Variants in TPD52 observed in about 807,000 individuals in gnomAD.
TPD52 encodes the protein tumor protein D52.
Under a neutral mutation model 31.3 loss-of-function variants are expected in TPD52, and 17 were observed. The ratio of observed to expected loss-of-function variants is 0.54; its 90% confidence interval spans 0.37 to 0.82. The LOEUF (loss-of-function observed/expected upper bound fraction) is 0.82. Ranked by LOEUF, TPD52 falls within the 40% of genes least tolerant of loss-of-function variation. TPD52 has a pLI of 0.00. For synonymous variants in TPD52, 83 were observed against 89.6 expected, an observed-to-expected ratio of 0.93 and a Z score of 0.42; for missense variants, 212 against 240.1, an observed-to-expected ratio of 0.88 and a Z score of 0.77.
At chr8:80,053,951 T>C (rs866368587) in intron 2 of TPD52, among the ~76,000 whole-genome samples, 12 of 152,196 alleles carry the variant, frequency 7.9e-5, no homozygotes, top group South Asian at 6.2e-4. Context: ...TGGATACATA[T>C]ACTCAGTCCC....
chr8:80,086,773 C>T (rs1324044389), intron 1 of TPD52, among the ~76,000 whole-genome samples: 1 of 142,726 alleles, frequency 7.0e-6, no homozygotes, highest in South Asian at 2.2e-4. Flanking sequence ...ACTCAGAAGA[C>T]TGAGGCACAA....
At chr8:80,149,704 G>T (rs1033250556) in intron 1 of TPD52, among the ~76,000 whole-genome samples, 1 of 152,320 alleles carries the variant, frequency 6.6e-6, no homozygotes, top group South Asian at 2.1e-4. Context: ...CTTGGGAACT[G>T]GAGCAAAGGT....
At chr8:80,091,312 C>CA (rs1268591918) in intron 1 of TPD52, among the ~76,000 whole-genome samples, 2 of 151,866 alleles carry the variant, frequency 1.3e-5, no homozygotes, top group Non-Finnish European at 2.9e-5. Context: ...ACTAAAATTA[C>CA]AAAAAAATTA....
At chr8:80,060,360 A>G (rs1812384252) in intron 2 of TPD52, among the ~76,000 whole-genome samples, 1 of 151,958 alleles carries the variant, frequency 6.6e-6, no homozygotes. Context: ...ACAAGTAAAG[A>G]GATTGAACAA....
At chr8:80,062,678 A>G (rs766638006) in intron 2 of TPD52, among the ~76,000 whole-genome samples, 1 of 152,196 alleles carries the variant, frequency 6.6e-6, no homozygotes, top group Non-Finnish European at 1.5e-5. Flanking sequence ...AACTTGAAAC[A>G]TGGGCCAGGA....
chr8:80,073,618 G>A (rs890230075), intron 1 of TPD52, among the ~76,000 whole-genome samples: 5 of 152,204 alleles, frequency 3.3e-5, no homozygotes, highest in African/African-American at 9.6e-5. Context: ...CAGCAGATGC[G>A]TGTCAACACT....
intron 1 of TPD52, among the ~76,000 whole-genome samples, chr8:80,163,432 GT>G (rs1395186767): frequency 1.1e-4 from 16 of 152,104 alleles, no homozygotes; most frequent in Non-Finnish European, 1.5e-5. Context: ...TAAAATCACG[GT>G]TTCTATGACT....
intron 1 of TPD52, among the ~76,000 whole-genome samples, chr8:80,159,431 T>C (rs1401518229): frequency 6.6e-6 from 1 of 152,154 alleles, no homozygotes; most frequent in African/African-American, 2.4e-5. Context: ...GAACAACACC[T>C]TTGCAAGGAA....
chr8:80,132,198 T>C (rs1049489822), intron 1 of TPD52, among the ~76,000 whole-genome samples: 2 of 152,080 alleles, frequency 1.3e-5, no homozygotes, highest in East Asian at 1.9e-4. Flanking sequence ...CCTGTTAAAG[T>C]TGTGTTGTTA....
intron 1 of TPD52, among the ~76,000 whole-genome samples, chr8:80,124,790 C>T (rs1047495264): frequency 1.3e-5 from 2 of 152,174 alleles, no homozygotes; most frequent in Admixed American, 1.3e-4. Flanking sequence ...GATCCCAGGA[C>T]CATTTGACCA....
At position 80,138,282 on chromosome 8, in the gene TPD52, C is replaced by A. The variant is rs913777360; in HGVS notation, c.19+33143G>T. On this transcript the variant is annotated intron_variant, in intron 1 of 7. Transcript: ENST00000518937. ...CTAATTATTTCTCAGTAGAAGTCTG[C>A]GTTAAAAGGTACCTGTGTTTGACAA... Among the ~76,000 whole-genome samples the A allele has an allele frequency of 6.6e-5, 10 of 152,098 alleles. No individual in the cohort carries two copies. The South Asian group carries it at 2.1e-3, about 32-fold the overall frequency.
At chr8:80,094,073 C>T (rs1363649982) in intron 1 of TPD52, among the ~76,000 whole-genome samples, 4 of 151,956 alleles carry the variant, frequency 2.6e-5, no homozygotes, top group South Asian at 4.2e-4. Context: ...TATAAAACAT[C>T]GCTATCAAAC....
intron 1 of TPD52, among the ~76,000 whole-genome samples, chr8:80,090,709 A>AC (rs1269494841): frequency 7.5e-6 from 1 of 133,654 alleles, no homozygotes; most frequent in Non-Finnish European, 1.6e-5. Context: ...TATAAGAAAG[A>AC]AAAAAAAAAA....
chr8:80,071,002 A>C (rs1037241908), intron 1 of TPD52, among the ~76,000 whole-genome samples: 15 of 152,222 alleles, frequency 9.9e-5, no homozygotes, highest in African/African-American at 2.7e-4. Flanking sequence ...GATTATGTGA[A>C]GATACAGAGC....
intron 1 of TPD52, among the ~76,000 whole-genome samples, chr8:80,094,762 T>TA (rs577517120): frequency 1.4e-4 from 21 of 145,630 alleles, no homozygotes; most frequent in Admixed American, 3.4e-4. Context: ...TACCATAATT[T>TA]AAAAAAAAAA....
chr8:80,147,400 A>G (rs887891689), intron 1 of TPD52, among the ~76,000 whole-genome samples: 6 of 152,244 alleles, frequency 3.9e-5, no homozygotes, highest in Non-Finnish European at 8.8e-5. Flanking sequence ...ACCACGTCCA[A>G]TCAGAATTTT....
intron 1 of TPD52, among the ~76,000 whole-genome samples, chr8:80,107,111 A>G (rs1206297573): frequency 6.6e-6 from 1 of 152,182 alleles, no homozygotes; most frequent in Non-Finnish European, 1.5e-5. Flanking sequence ...TCAGCCTCCC[A>G]AAGTGCTGGG....
chr8:80,058,498 A>G (rs572091426), intron 2 of TPD52, among the ~76,000 whole-genome samples: 1 of 152,344 alleles, frequency 6.6e-6, no homozygotes, highest in African/African-American at 2.4e-5. Flanking sequence ...AATGCCCTCT[A>G]CAAATATAAA....
At chr8:80,109,974 G>C (rs1016496171) in intron 1 of TPD52, among the ~76,000 whole-genome samples, 2 of 152,104 alleles carry the variant, frequency 1.3e-5, no homozygotes, top group Non-Finnish European at 2.9e-5. Context: ...AAGTTCAGAG[G>C]ACAACCCTCA....
Sources: gnomAD v4.1 joint callset for allele counts (sites outside exome capture counted in the v4.1 genomes callset) on GRCh38, gnomAD v4.1.1 for gene constraint, MANE v1.5 for transcripts, NCBI Gene and HGNC (gene_info 2026-07-23, HGNC 2026-07-21) for gene names.